Variants in CSMD1 observed in about 807,000 individuals in gnomAD.
CSMD1 encodes the protein CUB and Sushi multiple domains 1.
A neutral mutation model predicts 417.5 loss-of-function variants in CSMD1; 213 were observed. That is an observed-to-expected ratio of 0.51 (90% CI 0.46 to 0.57). The LOEUF (loss-of-function observed/expected upper bound fraction) is 0.57. Ranked by LOEUF, CSMD1 falls within the 20% of genes least tolerant of loss-of-function variation. The pLI is 0.00. For synonymous variants in CSMD1, 2,862 were observed against 1,736.8 expected (o/e 1.65, Z -16.11); for missense variants, 6,923 against 4,529.7 (o/e 1.53, Z -15.17).
intron 1 of CSMD1, among the ~76,000 whole-genome samples, chr8:4,739,977 C>A (rs1244282980): frequency 1.3e-5 from 2 of 152,156 alleles, no homozygotes; most frequent in Admixed American, 6.5e-5. Context: ...AGCTGACTGG[C>A]CAGCCGCCTG....
At chr8:4,001,215 G>A (rs1210183395) in intron 4 of CSMD1, among the ~76,000 whole-genome samples, 2 of 152,242 alleles carry the variant, frequency 1.3e-5, no homozygotes, top group Admixed American at 1.3e-4. Flanking sequence ...AAGCTTAACC[G>A]ATTCTTCTGG....
intron 6 of CSMD1, among the ~76,000 whole-genome samples, chr8:3,750,849 A>G (rs536235869): frequency 6.6e-6 from 1 of 152,168 alleles, no homozygotes; most frequent in African/African-American, 2.4e-5. Context: ...AGCAACAGCA[A>G]CCATACTGGA....
At chr8:3,833,559 G>A (rs1483165552) in intron 5 of CSMD1, among the ~76,000 whole-genome samples, 1 of 151,820 alleles carries the variant, frequency 6.6e-6, no homozygotes, top group Admixed American at 6.6e-5. Context: ...GTCCTAAGTG[G>A]TAATCAACTT....
chr8:3,503,032 G>A (rs900793980), intron 10 of CSMD1, among the ~76,000 whole-genome samples: 3 of 152,130 alleles, frequency 2.0e-5, no homozygotes, highest in Non-Finnish European at 4.4e-5. Flanking sequence ...GATCAATTTT[G>A]CTGTGCAAAC....
chr8:4,975,778 C>T (rs1043226197), intron 1 of CSMD1, among the ~76,000 whole-genome samples: 4 of 152,068 alleles, frequency 2.6e-5, no homozygotes, highest in African/African-American at 9.7e-5. Flanking sequence ...CCACTATGAC[C>T]AGTTGTGGAG....
intron 4 of CSMD1, among the ~76,000 whole-genome samples, chr8:4,030,531 C>G (rs1052518904): frequency 6.6e-6 from 1 of 152,174 alleles, no homozygotes; most frequent in South Asian, 2.1e-4. Context: ...CTAGGCTGTA[C>G]ACAGCATGGG....
At chr8:4,726,910 A>T (rs759950804) in intron 1 of CSMD1, among the ~76,000 whole-genome samples, 1 of 152,208 alleles carries the variant, frequency 6.6e-6, no homozygotes, top group Non-Finnish European at 1.5e-5. Context: ...CTGAAAAAAT[A>T]GCTTTTTATG....
At position 3,749,746 on chromosome 8, in the gene CSMD1, C is replaced by T. The variant is rs182165829; in HGVS notation, c.931+4184G>A. 4.2e-4 allele frequency among the ~76,000 whole-genome samples: 64 copies of T among 151,804 alleles called. No homozygotes were observed. In the East Asian group the frequency reaches 7.2e-3, roughly 17 times the overall value. ...CGGTTTATGTTTTTTTTTCCTTTCA[C>T]GAAATATTGTATGTGAGAGTCACCC... On this transcript the variant is annotated intron_variant, in intron 6 of 69. Coordinates refer to ENST00000635120, the MANE Select transcript of CSMD1 (RefSeq NM_033225.6).
intron 2 of CSMD1, among the ~76,000 whole-genome samples, chr8:4,546,899 T>A (rs996257638): frequency 1.3e-5 from 2 of 152,062 alleles, no homozygotes; most frequent in African/African-American, 2.4e-5. Flanking sequence ...TCTCTGGAGA[T>A]CCCTAACACA....
At chr8:4,030,214 C>G (rs978933214) in intron 4 of CSMD1, among the ~76,000 whole-genome samples, 2 of 152,142 alleles carry the variant, frequency 1.3e-5, no homozygotes, top group Non-Finnish European at 2.9e-5. Flanking sequence ...GGGCGGTGCC[C>G]CAGTAGGGAC....
intron 7 of CSMD1, among the ~76,000 whole-genome samples, chr8:3,622,024 T>A (rs1424386242): frequency 6.6e-6 from 1 of 150,986 alleles, no homozygotes; most frequent in East Asian, 2.0e-4. Flanking sequence ...TGTGTTTGAA[T>A]AGGTCTGTAT....
chr8:4,567,136 C>T (rs939645491), intron 2 of CSMD1, among the ~76,000 whole-genome samples: 4 of 152,130 alleles, frequency 2.6e-5, no homozygotes, highest in African/African-American at 9.7e-5. Context: ...CATCACAGCC[C>T]TACTCAGAGT....
intron 5 of CSMD1, among the ~76,000 whole-genome samples, chr8:3,794,861 T>A (rs1427344977): frequency 1.0e-5 from 1 of 95,830 alleles, no homozygotes; most frequent in Non-Finnish European, 2.5e-5. Flanking sequence ...CCGGGATCAA[T>A]TTACCAATGA....
intron 5 of CSMD1, among the ~76,000 whole-genome samples, chr8:3,873,139 G>C (rs1428910739): frequency 1.3e-5 from 2 of 152,064 alleles, no homozygotes; most frequent in Admixed American, 6.6e-5. Context: ...GAGGAAACTA[G>C]TATGATGATT....
At chr8:3,905,614 G>A (rs1808058496) in intron 5 of CSMD1, among the ~76,000 whole-genome samples, 1 of 152,196 alleles carries the variant, frequency 6.6e-6, no homozygotes, top group Non-Finnish European at 1.5e-5. Flanking sequence ...ACTTCAGTGT[G>A]ACTGAAAATT....
At chr8:3,044,354 A>G (rs1421128918) in intron 50 of CSMD1, among the ~76,000 whole-genome samples, 3 of 148,160 alleles carry the variant, frequency 2.0e-5, no homozygotes, top group Admixed American at 6.6e-5. Context: ...TAAGATGTGT[A>G]TACGTTGTTC....
At chr8:3,338,672 C>T (rs940891957) in intron 23 of CSMD1, among the ~76,000 whole-genome samples, 7 of 152,196 alleles carry the variant, frequency 4.6e-5, no homozygotes, top group African/African-American at 1.7e-4. Flanking sequence ...CAGTGCACTT[C>T]TGCAGGGTGC....
intron 7 of CSMD1, among the ~76,000 whole-genome samples, chr8:3,649,807 T>G (rs906300638): frequency 6.6e-6 from 1 of 152,216 alleles, no homozygotes. Context: ...CTTATTACAA[T>G]GTAAGTATAA....
At chr8:4,815,018 G>T (rs1563474321) in intron 1 of CSMD1, among the ~76,000 whole-genome samples, 1 of 151,918 alleles carries the variant, frequency 6.6e-6, no homozygotes, top group Non-Finnish European at 1.5e-5. Flanking sequence ...TAATTATATA[G>T]AATTAGTTTA....
Sources: gnomAD v4.1 joint callset for allele counts (sites outside exome capture counted in the v4.1 genomes callset) on GRCh38, gnomAD v4.1.1 for gene constraint, MANE v1.5 for transcripts, NCBI Gene and HGNC (gene_info 2026-07-23, HGNC 2026-07-21) for gene names.